Variants in NRIP1 observed in about 807,000 individuals in gnomAD.
NRIP1 encodes nuclear receptor interacting protein 1.
Under a neutral mutation model 75.0 loss-of-function variants are expected in NRIP1, and 28 were observed. The ratio of observed to expected loss-of-function variants is 0.37; its 90% confidence interval spans 0.28 to 0.51. The LOEUF (loss-of-function observed/expected upper bound fraction) is 0.51, where lower values mean the gene tolerates loss of function less well. NRIP1 is among the 20% of genes least tolerant of loss of function. NRIP1 has a pLI of 0.92. For missense variants in NRIP1, 1,435 were observed against 1,343.7 expected (o/e 1.07, Z -1.06); for synonymous variants, 526 against 487.6 (o/e 1.08, Z -1.04).
At chr21:14,973,713 G>A (rs2736087) in intron 3 of NRIP1, among the ~76,000 whole-genome samples, 105,871 of 149,168 alleles carry the variant, frequency 0.71, 38,780 homozygotes, top group East Asian at 0.93. Context: ...TTCTCATTCT[G>A]TTGCCCAGGC....
chr21:15,061,211 A>C (rs986155867), intron 1 of NRIP1, among the ~76,000 whole-genome samples: 2 of 152,338 alleles, frequency 1.3e-5, no homozygotes, highest in Non-Finnish European at 2.9e-5. Context: ...CAGTTGGAAG[A>C]CATGGGTATA....
chr21:15,000,192 T>G (rs1402714310), intron 3 of NRIP1, among the ~76,000 whole-genome samples: 1 of 152,194 alleles, frequency 6.6e-6, no homozygotes, highest in Non-Finnish European at 1.5e-5. Context: ...TTCCTGTTTC[T>G]TCAATACCTA....
At chr21:15,030,553 CTTAA>C (rs1568992346) in intron 2 of NRIP1, among the ~76,000 whole-genome samples, 3 of 152,164 alleles carry the variant, frequency 2.0e-5, no homozygotes, top group African/African-American at 4.8e-5. Context: ...AGGGTTTCCT[CTTAA>C]TTAAGAATTG....
At chr21:15,062,920 T>C (rs1978444073) in intron 1 of NRIP1, among the ~76,000 whole-genome samples, 1 of 152,200 alleles carries the variant, frequency 6.6e-6, no homozygotes, top group South Asian at 2.1e-4. Context: ...GAAATGCATG[T>C]AAAAGAGGCA....
intron 3 of NRIP1, among the ~76,000 whole-genome samples, chr21:15,005,393 GTCT>G (rs2087941279): frequency 6.6e-6 from 1 of 152,056 alleles, no homozygotes; most frequent in South Asian, 2.1e-4. Flanking sequence ...GGGTAAAAAA[GTCT>G]TCTTCCTCAG....
At chr21:15,024,567 AGTGT>A (rs60376904) in intron 2 of NRIP1, among the ~76,000 whole-genome samples, 2,934 of 145,618 alleles carry the variant, frequency 0.02, 53 homozygotes, top group African/African-American at 0.046. Context: ...TGGTATCCAG[AGTGT>A]GTGTGTGTGT....
intron 2 of NRIP1, among the ~76,000 whole-genome samples, chr21:15,041,744 T>C (rs1016554304): frequency 1.3e-5 from 2 of 152,142 alleles, no homozygotes; most frequent in African/African-American, 2.4e-5. Flanking sequence ...TCCATCTTTA[T>C]AGCTAAGTGT....
intron 3 of NRIP1, among the ~76,000 whole-genome samples, chr21:14,985,719 T>G (rs962995503): frequency 1.4e-4 from 21 of 152,328 alleles, no homozygotes; most frequent in East Asian, 1.9e-4. Context: ...TCAAGGTTAG[T>G]AAGATCTGGT....
chr21:14,987,244 A>G (rs1440362416), intron 3 of NRIP1, among the ~76,000 whole-genome samples: 1 of 152,214 alleles, frequency 6.6e-6, no homozygotes, highest in Non-Finnish European at 1.5e-5. Flanking sequence ...CCTGTTTCAT[A>G]GAGCCCCTGG....
At chr21:15,008,052 G>C (rs1247019747) in intron 3 of NRIP1, among the ~76,000 whole-genome samples, 1 of 152,162 alleles carries the variant, frequency 6.6e-6, no homozygotes, top group African/African-American at 2.4e-5. Context: ...GGAAGACCCA[G>C]CACCAATGTA....
intron 3 of NRIP1, among the ~76,000 whole-genome samples, chr21:15,001,966 T>C (rs2087858525): frequency 6.6e-6 from 1 of 152,154 alleles, no homozygotes. Flanking sequence ...TCAGGTTATG[T>C]TCCCGGTGAC....
rs2228507 is a variant in NRIP1 at position 14,967,249 on chromosome 21, T to A, written c.944A>T (p.Tyr315Phe). ...GCTTGACATTCCTTTTGGGAGCTGG[T>A]AACTGCCAACATCCTTCTGGCCATT... ...QENGQKDVGSYQLPKGMSSHL... is the reference protein window; with the variant it reads ...QENGQKDVGSFQLPKGMSSHL... Residue 315 changes from tyrosine (Y) to phenylalanine (F), a missense_variant, in exon 4 of 4, where the codon TAC becomes TTC. Physicochemically the swap from Tyr to Phe is conservative, Grantham distance 22. Transcript: ENST00000318948. The A allele has an allele frequency of 0.014, 23,150 of 1,613,976 alleles. 1,950 individuals carry two copies. The East Asian group carries it at 0.25, about 18-fold the overall frequency.
chr21:14,976,708 A>C (rs74452859), intron 3 of NRIP1, among the ~76,000 whole-genome samples: 206 of 152,334 alleles, frequency 1.4e-3, no homozygotes, highest in African/African-American at 4.5e-3. Context: ...AATTTTACTT[A>C]GTTAAATGAA....
intron 3 of NRIP1, among the ~76,000 whole-genome samples, chr21:15,012,525 G>A (rs1272291124): frequency 7.8e-6 from 1 of 128,484 alleles, no homozygotes; most frequent in Non-Finnish European, 1.5e-5. Context: ...CACAATCTTG[G>A]CTCACTGCAA....
intron 3 of NRIP1, among the ~76,000 whole-genome samples, chr21:15,005,703 G>C (rs2087952831): frequency 6.6e-6 from 1 of 152,170 alleles, no homozygotes; most frequent in Non-Finnish European, 1.5e-5. Context: ...TCTTTGACAG[G>C]ATGTTGTCTC....
chr21:14,988,479 T>C (rs1047913515), intron 3 of NRIP1, among the ~76,000 whole-genome samples: 4 of 146,168 alleles, frequency 2.7e-5, no homozygotes, highest in Non-Finnish European at 6.0e-5. Flanking sequence ...ATAGATAATA[T>C]AGATAGATAG....
chr21:15,032,682 T>G (rs763280830), intron 2 of NRIP1, among the ~76,000 whole-genome samples: 61 of 152,322 alleles, frequency 4.0e-4, no homozygotes, highest in Non-Finnish European at 5.4e-4. Context: ...CATTGTAAGG[T>G]TGACTACAGA....
chr21:15,045,269 T>C (rs2089045449), intron 1 of NRIP1, among the ~76,000 whole-genome samples: 1 of 152,052 alleles, frequency 6.6e-6, no homozygotes, highest in Non-Finnish European at 1.5e-5. Context: ...TTAATACAAG[T>C]CTCTAAGCAC....
intron 3 of NRIP1, among the ~76,000 whole-genome samples, chr21:14,975,634 A>G (rs1369886245): frequency 6.8e-6 from 1 of 146,058 alleles, no homozygotes; most frequent in Non-Finnish European, 1.5e-5. Flanking sequence ...TTTAAAAAAA[A>G]AAAAAAAAAA....
Sources: gnomAD v4.1 joint callset for allele counts (sites outside exome capture counted in the v4.1 genomes callset) on GRCh38, gnomAD v4.1.1 for gene constraint, MANE v1.5 for transcripts, NCBI Gene and HGNC (gene_info 2026-07-23, HGNC 2026-07-21) for gene names.